Variants in PCDH11X observed in about 807,000 individuals in gnomAD.
PCDH11X encodes protocadherin 11 X-linked.
Under a neutral mutation model 53.3 loss-of-function variants are expected in PCDH11X, and 18 were observed. The ratio of observed to expected loss-of-function variants is 0.34; its 90% confidence interval spans 0.23 to 0.50. PCDH11X has a LOEUF of 0.50. Ranked by LOEUF, PCDH11X falls within the 20% of genes least tolerant of loss-of-function variation. The pLI is 0.98. For synonymous variants in PCDH11X, 279 were observed against 393.3 expected (o/e 0.71, Z 3.44); for missense variants, 570 against 1,032.4 (o/e 0.55, Z 6.14).
At chrX:92,175,031 A>G (rs2065883020) in intron 6 of PCDH11X, among the ~76,000 whole-genome samples, 1 of 110,605 alleles carries the variant, frequency 9.0e-6, no homozygotes, top group Non-Finnish European at 1.9e-5. Flanking sequence ...GTTTGAGTGC[A>G]GTGGCGCCAT....
chrX:92,294,648 A>G (rs2068571334), intron 8 of PCDH11X, among the ~76,000 whole-genome samples: 1 of 111,052 alleles, frequency 9.0e-6, no homozygotes, highest in African/African-American at 3.3e-5. Flanking sequence ...TCTTGGGGAA[A>G]AACAAGAGGA....
At position 91,836,806 on chromosome X, in the gene PCDH11X, A is replaced by G. The variant is rs186952059; in HGVS notation, c.540+762A>G. 3.3e-3 allele frequency among the ~76,000 whole-genome samples: 365 copies of G among 111,277 alleles called. 2 individuals are homozygous for G. The highest frequency in any genetic ancestry group is 0.012 in the African/African-American group (356 of 30,729). ...ATGGAGAAGTTAGAGAGAAGAATAG[A>G]TAGAATATTTGGTATTCTTCAAAAT... On this transcript the variant is annotated intron_variant, in intron 5 of 10. Coordinates refer to ENST00000682573, the MANE Select transcript of PCDH11X (RefSeq NM_032968.5).
intron 8 of PCDH11X, among the ~76,000 whole-genome samples, chrX:92,369,857 A>T (rs1433911454): frequency 9.3e-6 from 1 of 107,149 alleles, no homozygotes; most frequent in Non-Finnish European, 1.9e-5. Context: ...AATGAGATGA[A>T]CTGGGTACCT....
rs890939561 is a variant in PCDH11X, at chrX:91,998,094, C to T, written c.3033+118821C>T. On this transcript the variant is annotated intron_variant, in intron 6 of 10. Transcript: ENST00000682573. ...GATTACAGGCTCCCACCACCATGCC[C>T]TGCTAATTTGTGTATTTTTAGTAGA... Among the ~76,000 whole-genome samples, 13 of 110,603 alleles carry T rather than the reference C, an allele frequency of 1.2e-4. 1 individual carries two copies. Among genetic ancestry groups the T allele is most frequent in the East Asian group, 2.9e-4 (1 of 3,497 alleles).
chrX:92,347,203 G>A (rs1317300523), intron 8 of PCDH11X, among the ~76,000 whole-genome samples: 1 of 111,386 alleles, frequency 9.0e-6, no homozygotes, highest in Admixed American at 9.6e-5. Context: ...CATAAACCAT[G>A]TTACTACTAG....
intron 10 of PCDH11X, among the ~76,000 whole-genome samples, chrX:92,596,470 T>C (rs1157024901): frequency 9.4e-6 from 1 of 106,597 alleles, no homozygotes; most frequent in Non-Finnish European, 1.9e-5. Flanking sequence ...AAGAAATGGA[T>C]AAATTTCTGG....
intron 4 of PCDH11X, among the ~76,000 whole-genome samples, chrX:91,815,468 T>C (rs1602274343): frequency 8.9e-6 from 1 of 111,843 alleles, no homozygotes. Context: ...TCATTCTATG[T>C]ATGAAAAAAT....
chrX:92,184,894 A>C (rs2066063033), intron 6 of PCDH11X, among the ~76,000 whole-genome samples: 1 of 110,616 alleles, frequency 9.0e-6, no homozygotes, highest in African/African-American at 3.3e-5. Flanking sequence ...AAAAATAATA[A>C]TAAATAAATA....
At chrX:91,840,778 G>GTAACAT (rs1455448465) in intron 5 of PCDH11X, among the ~76,000 whole-genome samples, 2 of 108,787 alleles carry the variant, frequency 1.8e-5, no homozygotes, top group African/African-American at 6.7e-5. Flanking sequence ...AAAGTGATGT[G>GTAACAT]TAACATTAGA....
intron 10 of PCDH11X, among the ~76,000 whole-genome samples, chrX:92,506,960 A>G (rs2074074190): frequency 9.1e-6 from 1 of 110,011 alleles, no homozygotes; most frequent in Admixed American, 9.7e-5. Flanking sequence ...GTTGCCAGGA[A>G]TGTATCAATT....
At position 91,886,839 on chromosome X, in the gene PCDH11X, C is replaced by T. The variant is rs754502534; in HGVS notation, c.3033+7566C>T. 6.0e-4 allele frequency among the ~76,000 whole-genome samples: 64 copies of T among 107,495 alleles called. No homozygotes were observed. The East Asian group carries it at 6.7e-3, about 11-fold the overall frequency. The allele number at this position is 107,495 out of a possible 115,157, so 93.3% of individuals were successfully genotyped here. A position where few individuals can be genotyped will look rare whatever the true frequency, so the allele number is the denominator to read the frequency against. On this transcript the variant is annotated intron_variant, in intron 6 of 10. Coordinates refer to ENST00000682573, the MANE Select transcript of PCDH11X (RefSeq NM_032968.5). ...ACAAAAAATTAGCTGGGCGTGGTGG[C>T]GGGCGCCTGTAGTCCCAGCTACTCG...
intron 4 of PCDH11X, among the ~76,000 whole-genome samples, chrX:91,824,703 T>C (rs1303346008): frequency 2.8e-5 from 3 of 107,809 alleles, no homozygotes; most frequent in South Asian, 3.9e-4. Flanking sequence ...TTCAGCTTTG[T>C]TCCGTTGCTG....
chrX:92,201,553 T>A (rs2066392917), intron 7 of PCDH11X, 98 bp downstream of exon 7: 1 of 464,216 alleles, frequency 2.2e-6, no homozygotes, highest in Non-Finnish European at 3.5e-6. Context: ...TAATGTGTAT[T>A]CCCTTACATT....
chrX:91,989,666 C>T (rs1056086412), intron 6 of PCDH11X, among the ~76,000 whole-genome samples: 4 of 109,485 alleles, frequency 3.7e-5, no homozygotes, highest in African/African-American at 1.3e-4. Flanking sequence ...ACCCTAACTA[C>T]AGTTATGAAA....
At chrX:92,586,709 T>C (rs1390537221) in intron 10 of PCDH11X, among the ~76,000 whole-genome samples, 1 of 109,811 alleles carries the variant, frequency 9.1e-6, no homozygotes, top group African/African-American at 3.3e-5. Flanking sequence ...TCTTATGGTA[T>C]TTTTTCCTAG....
intron 6 of PCDH11X, among the ~76,000 whole-genome samples, chrX:92,003,708 C>T (rs1438143244): frequency 1.0e-4 from 10 of 100,240 alleles, no homozygotes; most frequent in African/African-American, 3.6e-4. Flanking sequence ...ACTAACGATC[C>T]TTTGAATTTC....
At chrX:91,810,045 T>C (rs1936248287) in intron 2 of PCDH11X, among the ~76,000 whole-genome samples, 1 of 111,352 alleles carries the variant, frequency 9.0e-6, no homozygotes, top group African/African-American at 3.3e-5. Flanking sequence ...TCAAAATAAT[T>C]CATGTAGGTA....
intron 6 of PCDH11X, among the ~76,000 whole-genome samples, chrX:92,023,434 G>A (rs2148002794): frequency 9.2e-6 from 1 of 109,200 alleles, no homozygotes; most frequent in East Asian, 2.9e-4. Flanking sequence ...TAAATTCCTG[G>A]ACACATACAC....
chrX:92,472,681 G>A, intron 10 of PCDH11X, among the ~76,000 whole-genome samples: 1 of 109,798 alleles, frequency 9.1e-6, no homozygotes, highest in Middle Eastern at 4.7e-3. Flanking sequence ...AATTTAATAG[G>A]AATAGCATTG....
Sources: gnomAD v4.1 joint callset for allele counts (sites outside exome capture counted in the v4.1 genomes callset) on GRCh38, gnomAD v4.1.1 for gene constraint, MANE v1.5 for transcripts, NCBI Gene and HGNC (gene_info 2026-07-23, HGNC 2026-07-21) for gene names.